The following RIBC2 variants were observed in gnomAD, a reference collection of about 807,000 sequenced individuals.
RIBC2 encodes the protein RIB43A domain with coiled-coils 2.
In RIBC2, 40 loss-of-function variants were observed where a neutral mutation model predicts 44.3. That is an observed-to-expected ratio of 0.90 (90% CI 0.70 to 1.18). RIBC2 has a LOEUF of 1.18. Among genes scored for constraint, RIBC2 ranks in the 50% most tolerant of loss-of-function variants. The pLI is 0.00. For synonymous variants in RIBC2, 171 were observed against 175.0 expected, an observed-to-expected ratio of 0.98 and a Z score of 0.18; for missense variants, 459 against 485.5, an observed-to-expected ratio of 0.95 and a Z score of 0.51.
In RIBC2 at chr22:45,432,284, G is replaced by A. The variant is rs1569212923; in HGVS notation, c.1071G>A (p.Gln357=). ...NLSLAKEQHL[Q]KKYMNEVYTN... ...TTTTTTTTTCTCATTTTGTTATCAG[G>A]AAAAAATATATGAATGAAGTCTATA... Residue 357 remains glutamine, a splice_region_variant and synonymous_variant, in exon 7 of 7, where the codon CAG becomes CAA. Coordinates refer to ENST00000614167, the MANE Select transcript of RIBC2 (RefSeq NM_015653.5). 3.3e-6 allele frequency: 5 copies of A among 1,526,072 alleles called. No homozygotes were observed. The highest frequency in any genetic ancestry group is 1.4e-5 in the African/African-American group (1 of 71,622). 94.5% of individuals were successfully genotyped at this position (1,526,072 alleles called of 1,614,324 possible).
rs762947065 is a variant in RIBC2, at chr22:45,431,006, G to A, written c.1010G>A (p.Arg337His). The change falls in exon 6 of 7, where the codon CGC (arginine) becomes CAC (histidine). Residue 337 changes from arginine (R) to histidine (H), a missense_variant. Coordinates refer to ENST00000614167, the MANE Select transcript of RIBC2 (RefSeq NM_015653.5). ...LFERQQWRRQ[R>H]DLRRALDSSN... is the part of the protein sequence containing the mutation. ...GAGCGGCAGCAGTGGCGGCGGCAGCGCGACCTGCGCAGAGCTCTGGACAGC... is the reference window on the plus strand; with the variant it reads ...GAGCGGCAGCAGTGGCGGCGGCAGCACGACCTGCGCAGAGCTCTGGACAGC... 14 of 1,591,324 alleles carry A rather than the reference G, an allele frequency of 8.8e-6. No homozygotes were observed. The highest frequency in any genetic ancestry group is 1.1e-5 in the South Asian group (1 of 87,804).
At chr22:45,419,852 C>T (rs1447333371) in intron 3 of RIBC2, among the ~76,000 whole-genome samples, 1 of 152,042 alleles carries the variant, frequency 6.6e-6, no homozygotes, top group Non-Finnish European at 1.5e-5. Context: ...CGGTGAAACC[C>T]CATCTCTACT....
At chr22:45,421,685 A>C (rs1208386852) in intron 3 of RIBC2, among the ~76,000 whole-genome samples, 1 of 151,654 alleles carries the variant, frequency 6.6e-6, no homozygotes, top group East Asian at 1.9e-4. Context: ...GCTAAGTAAT[A>C]GTTGAGGTTA....
chr22:45,417,847 T>C lies in RIBC2; in HGVS notation c.457T>C (p.Phe153Leu). ...MQKFMGEDLNFHERKKFQEEQ... is the reference protein window; with the variant it reads ...MQKFMGEDLNLHERKKFQEEQ... The stretch of plus-strand genomic sequence containing the variant: ...GAAATTCATGGGAGAGGATTTAAAC[T>C]TCCATGAGAGGAAGAAATTCCAAGA... Residue 153 changes from phenylalanine to leucine, a missense_variant, in exon 3 of 7, where the codon TTC (phenylalanine) becomes CTC (leucine). Coordinates refer to ENST00000614167, the MANE Select transcript of RIBC2 (RefSeq NM_015653.5). The C allele has an allele frequency of 6.2e-7, 1 of 1,614,132 alleles. No homozygotes were observed. The highest frequency in any genetic ancestry group is 8.5e-7 in the Non-Finnish European group (1 of 1,180,026).
intron 3 of RIBC2, among the ~76,000 whole-genome samples, chr22:45,419,204 A>G (rs1411047360): frequency 6.6e-6 from 1 of 152,222 alleles, no homozygotes; most frequent in Non-Finnish European, 1.5e-5. Context: ...CTCTTCCCTG[A>G]ATCCAGACTC....
Position 45,431,072 on chromosome 22 carries a change from T to C in RIBC2, c.1070+6T>C. The C allele has an allele frequency of 3.2e-6, 5 of 1,566,996 alleles. No individual in the cohort carries two copies. The highest frequency in any genetic ancestry group is 4.3e-6 in the Non-Finnish European group (5 of 1,155,882). ...GCCAAGGAGCAGCATTTGCAGTGAG[T>C]GCTGGGTGGGACCAGGGCCAGGTGG... On this transcript the variant is annotated splice_donor_region_variant and intron_variant, in intron 6 of 6. Transcript: ENST00000614167.
chr22:45,429,034 C>G (rs2087556755), intron 5 of RIBC2, among the ~76,000 whole-genome samples: 1 of 152,146 alleles, frequency 6.6e-6, no homozygotes, highest in Admixed American at 6.5e-5. Flanking sequence ...GGCCAGCAGA[C>G]TGGAGGTCAC....
chr22:45,432,049 A>C (rs534322727), intron 6 of RIBC2, among the ~76,000 whole-genome samples: 18 of 152,286 alleles, frequency 1.2e-4, no homozygotes, highest in African/African-American at 3.8e-4. Context: ...TATGTCCCCA[A>C]ATGTTACTGG....
intron 3 of RIBC2, among the ~76,000 whole-genome samples, chr22:45,418,422 C>T (rs2087447125): frequency 2.0e-5 from 3 of 152,112 alleles, no homozygotes; most frequent in African/African-American, 4.8e-5. Context: ...CAGGGAACCT[C>T]TTGGGCAAAG....
In RIBC2 at chr22:45,413,717, G is replaced by T. The variant is rs968140995; in HGVS notation, c.-170G>T. ...AGTTGTTGACATTTCCGAGAGAGCG[G>T]GAGCGTCTGTACCTCTGCGGCGTCA... On this transcript the variant is annotated 5_prime_UTR_variant, in exon 1 of 7. Coordinates refer to ENST00000614167, the MANE Select transcript of RIBC2 (RefSeq NM_015653.5). 1.7e-6 allele frequency: 2 copies of T among 1,163,454 alleles called. No individual in the cohort carries two copies. The highest frequency in any genetic ancestry group is 2.4e-6 in the Non-Finnish European group (2 of 820,118). The allele number at this position is 1,163,454 out of a possible 1,614,324, so 72.1% of individuals were successfully genotyped here. A position where few individuals can be genotyped will look rare whatever the true frequency, so the allele number is the denominator to read the frequency against.
At chr22:45,416,759 C>T (rs531531189) in intron 2 of RIBC2, among the ~76,000 whole-genome samples, 18 of 151,890 alleles carry the variant, frequency 1.2e-4, no homozygotes, top group African/African-American at 2.7e-4. Context: ...CATGCCTGGC[C>T]GCAAATGAGA....
intron 4 of RIBC2, 53 bp downstream of exon 4, chr22:45,422,461 A>G (rs1602116383): frequency 1.5e-6 from 2 of 1,295,958 alleles, no homozygotes; most frequent in Middle Eastern, 1.8e-4. Context: ...GGATGAGCCC[A>G]CTACGGCTTC....
chr22:45,425,162 G>A (rs1409644449), intron 4 of RIBC2, among the ~76,000 whole-genome samples: 1 of 152,102 alleles, frequency 6.6e-6, no homozygotes, highest in Non-Finnish European at 1.5e-5. Context: ...AACGGGTGTA[G>A]GGGCTTGGAA....
At chr22:45,423,796 C>T (rs771093281) in intron 4 of RIBC2, among the ~76,000 whole-genome samples, 1 of 152,272 alleles carries the variant, frequency 6.6e-6, no homozygotes, top group African/African-American at 2.4e-5. Flanking sequence ...TCCATCCCTG[C>T]CCTTCATTTT....
At chr22:45,414,259 G>T in intron 1 of RIBC2, 63 bp from the exon 2 acceptor site, 2 of 1,515,264 alleles carry the variant, frequency 1.3e-6, no homozygotes, top group Non-Finnish European at 1.8e-6. Context: ...TAATAAGTAG[G>T]ATTGTTATTA....
At chr22:45,414,084 A>T in intron 1 of RIBC2, 69 bp downstream of exon 1, 1 of 1,537,606 alleles carries the variant, frequency 6.5e-7, no homozygotes, top group Non-Finnish European at 8.8e-7. Context: ...GGAGGGGGAA[A>T]GGAGATGAGT....
Position 45,419,759 on chromosome 22 carries a change from G to A in RIBC2, c.556+1813G>A, listed in dbSNP as rs868835184. The stretch of plus-strand genomic sequence containing the variant: ...AAAAAAAAAAAGACCGGGCACAGTG[G>A]CTCATGCCTGTAATCCCAGCACTTT... On this transcript the variant is annotated intron_variant, in intron 3 of 6. Transcript: ENST00000614167. 2.6e-5 allele frequency among the ~76,000 whole-genome samples: 4 copies of A among 152,122 alleles called. No homozygotes were observed. The East Asian group carries it at 7.8e-4, about 29-fold the overall frequency.
At chr22:45,425,623 T>C (rs1245192186) in intron 4 of RIBC2, among the ~76,000 whole-genome samples, 1 of 152,168 alleles carries the variant, frequency 6.6e-6, no homozygotes, top group Non-Finnish European at 1.5e-5. Flanking sequence ...CTGCCTTGGG[T>C]GGGACCAGGC....
At chr22:45,422,131 T>C (rs1372659720) in intron 3 of RIBC2, among the ~76,000 whole-genome samples, 159 bp from the exon 4 acceptor site, 5 of 152,194 alleles carry the variant, frequency 3.3e-5, no homozygotes. Flanking sequence ...ATCTGGGAGC[T>C]TGACTCTCCC....
Sources: allele counts gnomAD v4.1 joint callset (sites outside exome capture counted in the v4.1 genomes callset), GRCh38; gene constraint gnomAD v4.1.1; transcripts MANE v1.5; gene names NCBI Gene and HGNC (gene_info 2026-07-23, HGNC 2026-07-21).